The following BICRA variants were observed in gnomAD, a reference collection of about 807,000 sequenced individuals.
BICRA encodes BRD4-interacting chromatin-remodeling complex-associated protein.
In BICRA, 31 loss-of-function variants were observed where a neutral mutation model predicts 96.9. The observed-to-expected ratio is 0.32, with a 90% confidence interval of 0.24 to 0.43. The LOEUF (loss-of-function observed/expected upper bound fraction) is 0.43. BICRA is among the 20% of genes least tolerant of loss of function. The pLI is 1.00. For missense variants in BICRA, 2,283 were observed against 2,190.3 expected, an observed-to-expected ratio of 1.04 and a Z score of -0.84; for synonymous variants, 1,350 against 1,071.8, an observed-to-expected ratio of 1.26 and a Z score of -5.07.
chr19:47,638,585 GCTCT>G (rs943646924), intron 1 of BICRA, among the ~76,000 whole-genome samples: 1 of 145,130 alleles, frequency 6.9e-6, no homozygotes, highest in Non-Finnish European at 1.5e-5. Flanking sequence ...TCTGTCACTC[GCTCT>G]CTCTGTTTCT....
chr19:47,686,739 C>T (rs1489826412), intron 7 of BICRA, among the ~76,000 whole-genome samples: 2 of 152,136 alleles, frequency 1.3e-5, no homozygotes, highest in Non-Finnish European at 2.9e-5. Context: ...TGAGCCATTA[C>T]CAATGGTTAC....
At chr19:47,633,080 CTTT>C (rs34761702) in intron 1 of BICRA, among the ~76,000 whole-genome samples, 6 of 93,220 alleles carry the variant, frequency 6.4e-5, no homozygotes, top group Non-Finnish European at 8.4e-5. Flanking sequence ...GATTTTATTT[CTTT>C]TTTTTTTTTT....
chr19:47,646,937 C>CCAT (rs1392623870), intron 1 of BICRA, among the ~76,000 whole-genome samples: 1 of 152,202 alleles, frequency 6.6e-6, no homozygotes, highest in African/African-American at 2.4e-5. Flanking sequence ...CATCCCTTAG[C>CCAT]CATCATCCCC....
intron 7 of BICRA, among the ~76,000 whole-genome samples, chr19:47,693,734 G>T (rs972016962): frequency 6.6e-6 from 1 of 152,152 alleles, no homozygotes; most frequent in Non-Finnish European, 1.5e-5. Flanking sequence ...TGGGCAGCGG[G>T]TGTGGTGCCC....
chr19:47,698,487 T>G lies in BICRA; in HGVS notation c.3249-147T>G. The G allele has an allele frequency of 1.6e-6, 1 of 624,616 alleles. No homozygotes were observed. Among genetic ancestry groups the G allele is most frequent in the South Asian group, 1.9e-5 (1 of 51,696 alleles). The allele number at this position is 624,616 out of a possible 1,614,324, so 38.7% of individuals were successfully genotyped here. A position where few individuals can be genotyped will look rare whatever the true frequency, so the allele number is the denominator to read the frequency against. Reference sequence around the variant, plus strand: ...AGTGAGATGGAACAAGCACGTTCAGTACATGGGAACACCACTGCCCAAGTA... The same window carrying G: ...AGTGAGATGGAACAAGCACGTTCAGGACATGGGAACACCACTGCCCAAGTA... On this transcript the variant is annotated intron_variant, in intron 11 of 14. Coordinates refer to ENST00000594866, the MANE Select transcript of BICRA (RefSeq NM_001394372.1). This position sits in a 1 kb window ranked among gnomAD's most constrained non-coding sequence, Gnocchi z 4.8.
chr19:47,609,372 C>T (rs1313719843), intron 1 of BICRA, among the ~76,000 whole-genome samples: 1 of 101,128 alleles, frequency 9.9e-6, no homozygotes, highest in African/African-American at 4.0e-5. Flanking sequence ...GCGCCCGCTG[C>T]CTCCTTTTTT....
chr19:47,624,167 T>G (rs1036205520), intron 1 of BICRA, among the ~76,000 whole-genome samples: 1 of 152,144 alleles, frequency 6.6e-6, no homozygotes, highest in Admixed American at 6.5e-5. Flanking sequence ...GACTCCCTAG[T>G]GCCCTCAGGT....
chr19:47,680,909 C>G lies in BICRA; in HGVS notation c.1739C>G (p.Thr580Ser), dbSNP rs1413011378. 4 of 1,483,862 alleles carry G rather than the reference C, an allele frequency of 2.7e-6. No individual in the cohort carries two copies. The highest frequency in any genetic ancestry group is 2.5e-5 in the Admixed American group (1 of 39,810). The allele number at this position is 1,483,862 out of a possible 1,614,324, so 91.9% of individuals were successfully genotyped here. ...CCAGCGCCCGCCGGGCCGGCCGCCACCACTGTCCTCCAGGGGGTCACCCTG... is the reference window on the plus strand; with the variant it reads ...CCAGCGCCCGCCGGGCCGGCCGCCAGCACTGTCCTCCAGGGGGTCACCCTG... ...SQPAPAGPAA[T>S]TVLQGVTLPP... Residue 580 changes from threonine to serine, a missense_variant, in exon 6 of 15, where the codon ACC becomes AGC. Coordinates refer to ENST00000594866, the MANE Select transcript of BICRA (RefSeq NM_001394372.1).
chr19:47,664,798 G>A (rs1434518537), intron 1 of BICRA, among the ~76,000 whole-genome samples: 1 of 152,236 alleles, frequency 6.6e-6, no homozygotes, highest in Non-Finnish European at 1.5e-5. Context: ...TGTCCGCCCT[G>A]TTCTGGAACT....
intron 1 of BICRA, among the ~76,000 whole-genome samples, chr19:47,659,342 A>G (rs1434279370): frequency 3.3e-5 from 5 of 152,210 alleles, no homozygotes; most frequent in Admixed American, 3.3e-4. Flanking sequence ...GTCTTTCCCA[A>G]CAGGGGTGGA....
chr19:47,694,126 G>T lies in BICRA; in HGVS notation c.2295G>T (p.Ala765=). The part of the protein sequence containing the change: ...SPAPAPQIPA[A]APLKGPGPSS... Reference sequence around the variant, plus strand: ...CCTCCCCTGCCCAGATCCCGGCAGCGGCTCCGCTGAAGGGCCCAGGCCCCT... The same window carrying T: ...CCTCCCCTGCCCAGATCCCGGCAGCTGCTCCGCTGAAGGGCCCAGGCCCCT... The change falls in exon 8 of 15, where the codon GCG becomes GCT. Residue 765 remains alanine (A), a synonymous_variant. Coordinates refer to ENST00000594866, the MANE Select transcript of BICRA (RefSeq NM_001394372.1). 8.2e-7 allele frequency: 1 copy of T among 1,216,334 alleles called. No homozygotes were observed. 75.3% of individuals were successfully genotyped at this position (1,216,334 alleles called of 1,614,324 possible).
chr19:47,611,242 G>A (rs570193286), intron 1 of BICRA, among the ~76,000 whole-genome samples: 1 of 152,290 alleles, frequency 6.6e-6, no homozygotes, highest in Non-Finnish European at 1.5e-5. Context: ...GTTCGGAAAT[G>A]TAGATAATAT....
chr19:47,640,365 A>G (rs1172297975), intron 1 of BICRA, among the ~76,000 whole-genome samples: 1 of 151,894 alleles, frequency 6.6e-6, no homozygotes. Context: ...AAATCTCTCT[A>G]CTAAAAATAG....
chr19:47,700,185 C>T (rs1973418576), intron 14 of BICRA: 1 of 152,360 alleles, frequency 6.6e-6, no homozygotes. Flanking sequence ...AAGTTACTTA[C>T]CTTCTCTGTG....
intron 1 of BICRA, among the ~76,000 whole-genome samples, chr19:47,650,581 C>A (rs987899667): frequency 2.0e-5 from 3 of 152,138 alleles, no homozygotes; most frequent in Non-Finnish European, 4.4e-5. Context: ...CTTTTAATGG[C>A]AAAAGGTGCA....
intron 1 of BICRA, among the ~76,000 whole-genome samples, chr19:47,664,551 A>G (rs1403567776): frequency 6.6e-6 from 1 of 152,068 alleles, no homozygotes; most frequent in Non-Finnish European, 1.5e-5. Flanking sequence ...TTCCTGTAAG[A>G]TGTGCATCAG....
chr19:47,611,619 C>T (rs910094354), intron 1 of BICRA, among the ~76,000 whole-genome samples: 2 of 152,220 alleles, frequency 1.3e-5, no homozygotes, highest in African/African-American at 4.8e-5. Context: ...CGCTTTGCCA[C>T]ACCATGGCCC....
At chr19:47,650,057 T>G (rs1599816528) in intron 1 of BICRA, among the ~76,000 whole-genome samples, 1 of 152,272 alleles carries the variant, frequency 6.6e-6, no homozygotes, top group Non-Finnish European at 1.5e-5. Context: ...GCTCAAATGA[T>G]TATCCTGCCT....
rs143273719 is a variant in BICRA, at chr19:47,673,970, G to A, written c.84+208G>A. Among the ~76,000 whole-genome samples, 236 of 152,214 alleles carry A rather than the reference G, an allele frequency of 1.6e-3. 2 individuals are homozygous for A. Among genetic ancestry groups the A allele is most frequent in the South Asian group, 7.9e-3 (38 of 4,816 alleles). On this transcript the variant is annotated intron_variant, in intron 4 of 14. Transcript: ENST00000594866. ...ACCTCCTTGGGAAACAAAGAAACCA[G>A]TCACTAATAAAGGTAATGGTGAAAA...
Sources: gnomAD v4.1 joint callset for allele counts (sites outside exome capture counted in the v4.1 genomes callset) on GRCh38, gnomAD v4.1.1 for gene constraint, Gnocchi (gnomAD v3.1) non-coding constraint, MANE v1.5 for transcripts, NCBI Gene and HGNC (gene_info 2026-07-23, HGNC 2026-07-21) for gene names.